Variants in CAMK4 observed in about 807,000 individuals in gnomAD.
CAMK4 encodes the protein calcium/calmodulin-dependent protein kinase type IV.
CAMK4 carries 22 observed loss-of-function variants against 44.9 expected under a neutral mutation model. The ratio of observed to expected loss-of-function variants is 0.49; its 90% CI spans 0.35 to 0.70. The LOEUF (loss-of-function observed/expected upper bound fraction) is 0.70, where lower values mean the gene tolerates loss of function less well. Among genes scored for constraint, CAMK4 ranks in the 30% least tolerant of loss-of-function variants. The probability of loss-of-function intolerance (pLI) is 0.01; values close to 1 mark genes in which losing one functional copy is unlikely to be tolerated. For synonymous variants in CAMK4, 218 were observed against 215.4 expected, an observed-to-expected ratio of 1.01 and a Z score of -0.11; for missense variants, 498 against 586.8, an observed-to-expected ratio of 0.85 and a Z score of 1.56.
At chr5:111,242,530 T>C (rs1749050071) in intron 1 of CAMK4, among the ~76,000 whole-genome samples, 1 of 152,136 alleles carries the variant, frequency 6.6e-6, no homozygotes, top group African/African-American at 2.4e-5. Flanking sequence ...AAATCTTGTC[T>C]CTAATCTTAT....
chr5:111,257,453 C>A (rs968008845), intron 1 of CAMK4, among the ~76,000 whole-genome samples: 1 of 152,200 alleles, frequency 6.6e-6, no homozygotes, highest in Non-Finnish European at 1.5e-5. Context: ...GAGATATCAT[C>A]TCACACCAGT....
chr5:111,392,498 G>A (rs1291570121), intron 4 of CAMK4, among the ~76,000 whole-genome samples: 3 of 152,030 alleles, frequency 2.0e-5, no homozygotes, highest in Non-Finnish European at 4.4e-5. Flanking sequence ...GCTGGTTAAT[G>A]TCAGTATTGC....
chr5:111,227,150 T>A (rs1266041158), intron 1 of CAMK4, among the ~76,000 whole-genome samples: 2 of 152,212 alleles, frequency 1.3e-5, no homozygotes, highest in Admixed American at 1.3e-4. Flanking sequence ...TTATCAGAAA[T>A]TTTTAAGTAA....
At chr5:111,302,296 C>A (rs556350819) in intron 1 of CAMK4, 1 of 153,368 alleles carries the variant, frequency 6.5e-6, no homozygotes, top group East Asian at 1.9e-4. Context: ...GTGAGCGACG[C>A]AGAAGACGGG....
At chr5:111,373,940 G>C (rs1482855501) in intron 2 of CAMK4, among the ~76,000 whole-genome samples, 7 of 152,130 alleles carry the variant, frequency 4.6e-5, no homozygotes, top group African/African-American at 1.4e-4. Context: ...GTGATTAAAG[G>C]GGTCAATCAC....
At chr5:111,394,138 A>G (rs1176307182) in intron 4 of CAMK4, among the ~76,000 whole-genome samples, 2 of 152,200 alleles carry the variant, frequency 1.3e-5, no homozygotes, top group African/African-American at 2.4e-5. Flanking sequence ...GTAATTTAAC[A>G]TGTTTCAGAC....
At chr5:111,441,378 T>C (rs1011002431) in intron 5 of CAMK4, among the ~76,000 whole-genome samples, 9 of 152,218 alleles carry the variant, frequency 5.9e-5, no homozygotes, top group Non-Finnish European at 1.3e-4. Context: ...AATAAATTAA[T>C]TGTGCATCCC....
rs1011980594 is a variant in CAMK4, at chr5:111,449,340, C to T, written c.625+137C>T. 10 of 510,336 alleles carry T rather than the reference C, an allele frequency of 2.0e-5. 1 individual carries two copies. Among genetic ancestry groups the T allele is most frequent in the Non-Finnish European group, 3.2e-5 (9 of 284,838 alleles). 31.6% of individuals were successfully genotyped at this position (510,336 alleles called of 1,614,324 possible). A position where few individuals can be genotyped will look rare whatever the true frequency, so the allele number is the denominator to read the frequency against. The stretch of plus-strand genomic sequence containing the variant: ...TTGTTGCAAATCTCTATGAGGAAGG[C>T]ATACATAAATAATACTCAGATCACT... On this transcript the variant is annotated intron_variant, in intron 7 of 10. Coordinates refer to ENST00000282356, the MANE Select transcript of CAMK4 (RefSeq NM_001744.6).
At chr5:111,421,273 G>A (rs1232018455) in intron 5 of CAMK4, among the ~76,000 whole-genome samples, 1 of 152,174 alleles carries the variant, frequency 6.6e-6, no homozygotes, top group Admixed American at 6.5e-5. Flanking sequence ...ATGGAAACAG[G>A]TTAACCTGAT....
intron 1 of CAMK4, among the ~76,000 whole-genome samples, chr5:111,274,904 G>T (rs1580516840): frequency 6.6e-6 from 1 of 151,746 alleles, no homozygotes; most frequent in African/African-American, 2.4e-5. Flanking sequence ...AAAATTATAA[G>T]CCTATGTAAT....
At chr5:111,323,090 G>C (rs1748731157) in intron 1 of CAMK4, among the ~76,000 whole-genome samples, 1 of 152,008 alleles carries the variant, frequency 6.6e-6, no homozygotes, top group Non-Finnish European at 1.5e-5. Flanking sequence ...AATATTTACA[G>C]ATGTAAGAGG....
intron 2 of CAMK4, among the ~76,000 whole-genome samples, chr5:111,354,185 A>G (rs940576531): frequency 1.3e-5 from 2 of 152,156 alleles, no homozygotes; most frequent in African/African-American, 4.8e-5. Flanking sequence ...TGCTGGACAC[A>G]AAGTCAAATA....
At position 111,410,538 on chromosome 5, in the gene CAMK4, G is replaced by T. The variant is rs145082705; in HGVS notation, c.459+15756G>T. On this transcript the variant is annotated intron_variant, in intron 5 of 10. Coordinates refer to ENST00000282356, the MANE Select transcript of CAMK4 (RefSeq NM_001744.6). Reference sequence around the variant, plus strand: ...TGTCTGTGTTATTCTTTCATTGATTGTTTATTGGAGGATGGGTTGGGACCA... The same window carrying T: ...TGTCTGTGTTATTCTTTCATTGATTTTTTATTGGAGGATGGGTTGGGACCA... Among the ~76,000 whole-genome samples the T allele has an allele frequency of 1.2e-3, 178 of 152,244 alleles. No homozygotes were observed. In the Middle Eastern group the frequency reaches 0.02, roughly 17 times the overall value.
chr5:111,478,910 C>A (rs1296691268), intron 9 of CAMK4, among the ~76,000 whole-genome samples: 2 of 152,212 alleles, frequency 1.3e-5, no homozygotes, highest in South Asian at 4.1e-4. Context: ...GACAAGGTCT[C>A]ACTGTCACCC....
chr5:111,418,269 G>T, intron 5 of CAMK4, among the ~76,000 whole-genome samples: 1 of 152,162 alleles, frequency 6.6e-6, no homozygotes, highest in East Asian at 1.9e-4. Context: ...CAAAAGGGGA[G>T]GGAGTGTGCA....
chr5:111,405,115 C>T (rs1042079876), intron 5 of CAMK4, among the ~76,000 whole-genome samples: 3 of 152,138 alleles, frequency 2.0e-5, no homozygotes, highest in African/African-American at 7.2e-5. Context: ...TTTGATGTAT[C>T]TAGAGAGAAA....
intron 7 of CAMK4, among the ~76,000 whole-genome samples, chr5:111,472,773 A>G (rs1260227254): frequency 1.3e-5 from 2 of 152,090 alleles, no homozygotes; most frequent in African/African-American, 2.4e-5. Flanking sequence ...ATGCCAGGAC[A>G]TGTGCCAGGA....
chr5:111,328,393 T>A (rs12187046), intron 1 of CAMK4, among the ~76,000 whole-genome samples: 63,083 of 151,146 alleles, frequency 0.42, 13,717 homozygotes, highest in South Asian at 0.56. Context: ...TACCAGTACC[T>A]TGCTGTTTTG....
intron 5 of CAMK4, among the ~76,000 whole-genome samples, chr5:111,408,453 C>G (rs1216114256): frequency 1.3e-5 from 2 of 152,084 alleles, no homozygotes; most frequent in African/African-American, 4.8e-5. Flanking sequence ...TATGGGAAAA[C>G]CCCTCTGCAT....
Sources: allele counts gnomAD v4.1 joint callset (sites outside exome capture counted in the v4.1 genomes callset), GRCh38; gene constraint gnomAD v4.1.1; transcripts MANE v1.5; gene names NCBI Gene and HGNC (gene_info 2026-07-23, HGNC 2026-07-21).